NF1: variants seen among roughly 807,000 people sequenced by gnomAD.
NF1 encodes neurofibromin 1, also known as neurofibromin.
NF1 carries 122 observed loss-of-function variants against 325.7 expected under a neutral mutation model. The observed-to-expected ratio is 0.37, with a 90% CI of 0.32 to 0.44. The LOEUF is 0.44. Among genes scored for constraint, NF1 ranks in the 20% least tolerant of loss-of-function variants. The pLI, the probability that NF1 is intolerant of heterozygous loss-of-function variation, is 1.00. For synonymous variants in NF1, 1,091 were observed against 1,186.0 expected, an observed-to-expected ratio of 0.92 and a Z score of 1.65; for missense variants, 2,140 against 3,415.4, an observed-to-expected ratio of 0.63 and a Z score of 9.31.
intron 8 of NF1, among the ~76,000 whole-genome samples, chr17:31,199,321 G>A (rs1243446250): frequency 6.6e-6 from 1 of 152,010 alleles, no homozygotes; most frequent in African/African-American, 2.4e-5. Flanking sequence ...TTTCCTTTGT[G>A]ATTTTTTCCT....
At chr17:31,246,130 G>A (rs564310562) in intron 29 of NF1, among the ~76,000 whole-genome samples, 4 of 152,288 alleles carry the variant, frequency 2.6e-5, no homozygotes, top group South Asian at 2.1e-4. Flanking sequence ...TGGTCTATAT[G>A]TCTTTCTCCT....
chr17:31,288,528 T>G lies in NF1; in HGVS notation c.4835+23189T>G, dbSNP rs1326798389. On this transcript the variant is annotated intron_variant, in intron 36 of 57. Coordinates refer to ENST00000358273, the MANE Select transcript of NF1 (RefSeq NM_001042492.3). ...AACTAGTTTTTTTTGCTTTGTTTTT[T>G]TTTTTTTTTTTTTTTTTTGGAGTGG... Among the ~76,000 whole-genome samples, 995 of 50,728 alleles carry G rather than the reference T, an allele frequency of 0.02. 16 individuals are homozygous for G. The African/African-American group carries it at 0.2, about 10-fold the overall frequency. The allele number at this position is 50,728 out of a possible 152,430, so 33.3% of individuals were successfully genotyped here.
At chr17:31,111,514 A>G (rs956955882) in intron 1 of NF1, among the ~76,000 whole-genome samples, 1 of 152,158 alleles carries the variant, frequency 6.6e-6, no homozygotes, top group Non-Finnish European at 1.5e-5. Flanking sequence ...AGAAGAGGGG[A>G]AAAAAGGCAC....
At chr17:31,174,136 T>C (rs943766911) in intron 5 of NF1, among the ~76,000 whole-genome samples, 1 of 152,206 alleles carries the variant, frequency 6.6e-6, no homozygotes, top group Admixed American at 6.5e-5. Flanking sequence ...AAATCGCTTA[T>C]AGACAGGTCA....
In NF1 at chr17:31,261,812, C is replaced by A. The variant is rs2151466430; in HGVS notation, c.4679C>A (p.Ser1560Tyr). 1 of 1,612,892 alleles carries A rather than the reference C, an allele frequency of 6.2e-7. No homozygotes were observed. The highest frequency in any genetic ancestry group is 8.5e-7 in the Non-Finnish European group (1 of 1,179,940). The change falls in exon 35 of 58, where the codon TCC becomes TAC. Residue 1560 changes from serine to tyrosine, a missense_variant. This residue lies in a region of NF1 where 103 missense variants were observed against 214.6 expected (regional missense o/e 0.48). Transcript: ENST00000358273. ...EHKPVADTHWSSLNLTSSKFE... is the reference protein window; with the variant it reads ...EHKPVADTHWYSLNLTSSKFE... ...AAACCTGTGGCAGATACACACTGGT[C>A]CAGCCTTAACCTTACCAGTTCAAAG...
At chr17:31,113,961 ACTAT>A (rs1313662055) in intron 1 of NF1, among the ~76,000 whole-genome samples, 2 of 152,234 alleles carry the variant, frequency 1.3e-5, no homozygotes, top group Non-Finnish European at 2.9e-5. Flanking sequence ...GGACATTCAC[ACTAT>A]CTATTTCTAG....
rs934233025 is a variant in NF1, at chr17:31,178,519, C to T, written c.587-2903C>T. ...ACAAATTCACACATAACACTATTAA[C>T]CTTAAATGTAAACGGGCTAAATGCC... On this transcript the variant is annotated intron_variant, in intron 5 of 57. Transcript: ENST00000358273. 5.9e-5 allele frequency among the ~76,000 whole-genome samples: 9 copies of T among 152,198 alleles called. No individual in the cohort carries two copies. The South Asian group carries it at 6.2e-4, about 10-fold the overall frequency.
chr17:31,367,904 G>A (rs72815639), intron 57 of NF1, among the ~76,000 whole-genome samples: 6,612 of 151,344 alleles, frequency 0.044, 192 homozygotes, highest in Non-Finnish European at 0.073. Context: ...AGCTGAGATC[G>A]CACCACCGCA....
In NF1 at chr17:31,336,775, G is replaced by A. The variant is rs786203541; in HGVS notation, c.6288G>A (p.Val2096=). 2 of 1,613,996 alleles carry A rather than the reference G, an allele frequency of 1.2e-6. No homozygotes were observed. The highest frequency in any genetic ancestry group is 1.7e-6 in the Non-Finnish European group (2 of 1,180,016). Residue 2096 remains valine (V), a synonymous_variant, in exon 42 of 58, where the codon GTG becomes GTA. Transcript: ENST00000358273. This position sits in a 1 kb window ranked among gnomAD's most constrained non-coding sequence, Gnocchi z 5.5. The part of the protein sequence containing the change: ...LMLSFNNSLD[V]AAHLPYLFHV... ...TGTCCTTCAACAATTCCCTTGATGT[G>A]GCAGCTCATCTTCCCTACCTCTTCC...
At chr17:31,222,566 A>G (rs889282044) in intron 15 of NF1, 43 of 1,019,358 alleles carry the variant, frequency 4.2e-5, no homozygotes, top group Non-Finnish European at 4.9e-5. Flanking sequence ...AGTGCTGTCC[A>G]CTAGTAATAT....
chr17:31,221,398 A>T lies in NF1; in HGVS notation c.1642-452A>T, dbSNP rs1273297946. Among the ~76,000 whole-genome samples the T allele has an allele frequency of 1.3e-5, 2 of 152,098 alleles. No individual in the cohort carries two copies. Among genetic ancestry groups the T allele is most frequent in the Non-Finnish European group, 2.9e-5 (2 of 67,982 alleles). On this transcript the variant is annotated intron_variant, in intron 14 of 57. Coordinates refer to ENST00000358273, the MANE Select transcript of NF1 (RefSeq NM_001042492.3). The stretch of plus-strand genomic sequence containing the variant: ...TGAAAAATAATTGCTCTTTTCTGTT[A>T]CAAGAGACTTTGTGGCAAGTGAGAC...
intron 1 of NF1, chr17:31,133,144 T>G (rs1915515214): frequency 6.6e-6 from 1 of 152,212 alleles, no homozygotes; most frequent in African/African-American, 2.4e-5. Context: ...GAACTTCCCA[T>G]TCCTCCATGT....
intron 35 of NF1, among the ~76,000 whole-genome samples, chr17:31,263,075 ATAGGTAGGTAGG>A (rs869183381): frequency 6.4e-5 from 9 of 140,646 alleles, no homozygotes; most frequent in African/African-American, 1.4e-4. Context: ...AGGTAGATAG[ATAGGTAGGTAGG>A]TAGGTAGGTA....
chr17:31,249,221 T>TA, intron 30 of NF1, 102 bp downstream of exon 30: 1 of 1,301,290 alleles, frequency 7.7e-7, no homozygotes, highest in Non-Finnish European at 1.1e-6. Context: ...TGGTTAACTA[T>TA]AATACTGAGT....
chr17:31,295,059 T>C lies in NF1; in HGVS notation c.4835+29720T>C, dbSNP rs545020803. 9 of 1,614,146 alleles carry C rather than the reference T, an allele frequency of 5.6e-6. No homozygotes were observed. The South Asian group carries it at 8.8e-5, about 16-fold the overall frequency. On this transcript the variant is annotated intron_variant, in intron 36 of 57. Coordinates refer to ENST00000358273, the MANE Select transcript of NF1 (RefSeq NM_001042492.3). The stretch of plus-strand genomic sequence containing the variant: ...TTGAGCAATAAGAGAAATGAAGCAT[T>C]TACTTTCCAAGCATTTGCCACAGAA...
At chr17:31,275,038 C>T (rs1265480180) in intron 36 of NF1, among the ~76,000 whole-genome samples, 1 of 152,150 alleles carries the variant, frequency 6.6e-6, no homozygotes, top group South Asian at 2.1e-4. Flanking sequence ...CTCTCCAGGC[C>T]TCTTCATGAT....
chr17:31,230,720 C>T lies in NF1; in HGVS notation c.3114-122C>T, dbSNP rs143114688. ...GATAGCAGTATCTCTTTTATAAAGT[C>T]GTCATGTCACTTAGGTTATCTGGCA... is the stretch of plus-strand genomic sequence containing the variant. On this transcript the variant is annotated intron_variant, in intron 23 of 57. Coordinates refer to ENST00000358273, the MANE Select transcript of NF1 (RefSeq NM_001042492.3). The T allele has an allele frequency of 1.4e-3, 1,111 of 781,718 alleles. 18 individuals carry two copies. In the African/African-American group the frequency reaches 0.016, roughly 11 times the overall value. 48.4% of individuals were successfully genotyped at this position (781,718 alleles called of 1,614,324 possible). A position where few individuals can be genotyped will look rare whatever the true frequency, so the allele number is the denominator to read the frequency against.
chr17:31,136,845 A>T (rs1242257784), intron 1 of NF1: 1 of 152,180 alleles, frequency 6.6e-6, no homozygotes, highest in African/African-American at 2.4e-5. Flanking sequence ...TAGTATATAT[A>T]TAGGGTTCAG....
intron 36 of NF1, chr17:31,321,136 C>T (rs953625067): frequency 2.0e-5 from 3 of 152,140 alleles, no homozygotes; most frequent in African/African-American, 4.8e-5. Context: ...CAGAAGTTTT[C>T]TTATATCTGA....
Sources: gnomAD v4.1 joint callset for allele counts (sites outside exome capture counted in the v4.1 genomes callset) on GRCh38, gnomAD v4.1.1 for gene constraint, gnomAD v4.1.1 regional missense constraint, Gnocchi (gnomAD v3.1) non-coding constraint, MANE v1.5 for transcripts, NCBI Gene and HGNC (gene_info 2026-07-23, HGNC 2026-07-21) for gene names.